Variants in MIB2 observed in about 807,000 individuals in gnomAD.
The protein encoded by MIB2 is MIB E3 ubiquitin protein ligase 2.
Under a neutral mutation model 96.6 loss-of-function variants are expected in MIB2, and 78 were observed. That is an observed-to-expected ratio of 0.81 (90% CI 0.67 to 0.97). The LOEUF is 0.97. Ranked by LOEUF, MIB2 falls within the 50% of genes least tolerant of loss-of-function variation. The pLI is 0.00. For missense variants in MIB2, 1,543 were observed against 1,424.0 expected (o/e 1.08, Z -1.35); for synonymous variants, 820 against 629.5 (o/e 1.30, Z -4.53).
chr1:1,627,699 T>C lies in MIB2; in HGVS notation c.1550T>C (p.Leu517Pro), dbSNP rs1644938778. The C allele has an allele frequency of 6.3e-7, 1 of 1,595,112 alleles. No homozygotes were observed. Among genetic ancestry groups the C allele is most frequent in the Non-Finnish European group, 8.5e-7 (1 of 1,178,556 alleles). Residue 517 changes from leucine to proline, a missense_variant, in exon 13 of 20, where the codon CTC (leucine) becomes CCC (proline). Physicochemically the swap from Leu to Pro is moderately conservative, Grantham distance 98 (BLOSUM62 -3). Transcript: ENST00000355826. ...AACCAGCCCGAGGCCACCAGGGTGC[T>C]CCTGAGTGCTGGGTGCCGGGCGGAC... ...LGNQPEATRVLLSAGCRADAI... is the reference protein window; with the variant it reads ...LGNQPEATRVPLSAGCRADAI...
At position 1,629,208 on chromosome 1, in the gene MIB2, G is replaced by A. The variant is rs771459024; in HGVS notation, c.2278G>A (p.Gly760Ser). 2.0e-6 allele frequency: 3 copies of A among 1,528,108 alleles called. No homozygotes were observed. Among genetic ancestry groups the A allele is most frequent in the Admixed American group, 2.0e-5 (1 of 50,986 alleles). The allele number at this position is 1,528,108 out of a possible 1,614,324, so 94.7% of individuals were successfully genotyped here. A position where few individuals can be genotyped will look rare whatever the true frequency, so the allele number is the denominator to read the frequency against. ...GGTCGCCTGCTTCCTGGCGCTGGAG[G>A]GCGCCGACGTGAGCTACACCAACCA... ...AAVACFLALE[G>S]ADVSYTNHRG... Residue 760 changes from glycine (G) to serine (S), a missense_variant, in exon 17 of 20, where the codon GGC (glycine) becomes AGC (serine). Physicochemically the swap from Gly to Ser is moderately conservative, Grantham distance 56 (BLOSUM62 0). Coordinates refer to ENST00000355826, the MANE Select transcript of MIB2 (RefSeq NM_001170687.4).
chr1:1,620,770 A>G lies in MIB2; in HGVS notation c.-22-2661A>G, dbSNP rs915784107. ...AGGTCAGTTTGTGGATCCTGGGAGC[A>G]GGAACCCTGCAGAGCCTGCCCCCCA... On this transcript the variant is annotated intron_variant, in intron 2 of 19. Transcript: ENST00000355826. Among the ~76,000 whole-genome samples, 33 of 152,254 alleles carry G rather than the reference A, an allele frequency of 2.2e-4. 1 individual carries two copies. Among genetic ancestry groups the G allele is most frequent in the African/African-American group, 7.7e-4 (32 of 41,480 alleles).
At position 1,625,664 on chromosome 1, in the gene MIB2, G is replaced by C. The variant is rs781551819; in HGVS notation, c.972+11G>C. ...GGGGCGCTCACCAAGGTGCCGGGGG[G>C]GCTGGGCTGCGCCTCATCTGCTTGC... On this transcript the variant is annotated intron_variant, in intron 8 of 19. Transcript: ENST00000355826. The surrounding 1 kb of genome is among the most constrained non-coding windows in gnomAD (Gnocchi z 5.0). The C allele has an allele frequency of 6.5e-6, 10 of 1,549,940 alleles. No individual in the cohort carries two copies. The highest frequency in any genetic ancestry group is 4.1e-5 in the African/African-American group (3 of 73,124).
chr1:1,623,500 G>A lies in MIB2; in HGVS notation c.48G>A (p.Val16=), dbSNP rs1644446778. ...GCGTGCAGGTGGGCATGCGGGTGGTGCGCGGCGTGGACTGGAAGTGGGGCC... is the reference window on the plus strand; with the variant it reads ...GCGTGCAGGTGGGCATGCGGGTGGTACGCGGCGTGGACTGGAAGTGGGGCC... ...QAGVQVGMRV[V]RGVDWKWGQQ... The change falls in exon 3 of 20, where the codon GTG becomes GTA. Residue 16 remains valine (V), a synonymous_variant. Transcript: ENST00000355826. 2 of 1,568,696 alleles carry A rather than the reference G, an allele frequency of 1.3e-6. No homozygotes were observed. Among genetic ancestry groups the A allele is most frequent in the South Asian group, 1.2e-5 (1 of 85,246 alleles).
chr1:1,615,312 G>A, upstream of MIB2: 2 of 1,377,270 alleles, frequency 1.5e-6, no homozygotes, highest in Non-Finnish European at 1.9e-6. Context: ...TGGCAACCGA[G>A]TGCGTCTCTA....
At position 1,625,417 on chromosome 1, in the gene MIB2, A is replaced by G. The variant is rs1413941882; in HGVS notation, c.853A>G (p.Arg285Gly). 1.6e-5 allele frequency: 25 copies of G among 1,571,418 alleles called. No individual in the cohort carries two copies. The highest frequency in any genetic ancestry group is 2.4e-5 in the East Asian group (1 of 42,088). ...GGAAGGCCACGGCGGCTGGAACCCC[A>G]GGATGGCGGAGGTGAGCCGCCCCGC... The part of the protein sequence containing the change: ...MQEGHGGWNP[R>G]MAEFIGQTGT... The change falls in exon 7 of 20, where the codon AGG becomes GGG. Residue 285 changes from arginine to glycine, a missense_variant. Arg to Gly is a moderately radical substitution (Grantham distance 125). Coordinates refer to ENST00000355826, the MANE Select transcript of MIB2 (RefSeq NM_001170687.4). The surrounding 1 kb of genome is among the most constrained non-coding windows in gnomAD (Gnocchi z 5.0).
At chr1:1,616,075 A>G (rs1376673563) in intron 1 of MIB2, 4 of 983,952 alleles carry the variant, frequency 4.1e-6, no homozygotes, top group African/African-American at 3.5e-5. Flanking sequence ...CGGGACGGAA[A>G]CGTCCGGGCA....
At chr1:1,621,503 C>CGGCAGCGTCACCCGACAGGTGAGGGA (rs530684896) in intron 2 of MIB2, among the ~76,000 whole-genome samples, 2 of 152,228 alleles carry the variant, frequency 1.3e-5, no homozygotes, top group African/African-American at 4.8e-5. Flanking sequence ...GTGCACATCT[C>CGGCAGCGTCACCCGACAGGTGAGGGA]GGCAGCGTCA....
chr1:1,624,614 A>T, intron 4 of MIB2, 181 bp from the exon 5 acceptor site: 1 of 670,412 alleles, frequency 1.5e-6, no homozygotes, highest in Non-Finnish European at 2.7e-6. Context: ...GCATTTCCTC[A>T]CAGCGTGTGG....
chr1:1,628,981 T>C (rs1645090194), intron 16 of MIB2, 152 bp from the exon 17 acceptor site: 2 of 880,516 alleles, frequency 2.3e-6, no homozygotes, highest in South Asian at 2.0e-5. Flanking sequence ...AGGGCGCCCC[T>C]CCTGCCTGTC....
At position 1,627,403 on chromosome 1, in the gene MIB2, G is replaced by T. The variant is rs749128751; in HGVS notation, c.1482G>T (p.Pro494=). The T allele has an allele frequency of 1.9e-6, 3 of 1,612,808 alleles. No individual in the cohort carries two copies. The African/African-American group carries it at 4.0e-5, about 22-fold the overall frequency. ...LLQARAGVDL[P]DDEGNTALHY... is the part of the protein sequence containing the mutation. ...AAGCCAGGGCGGGCGTGGACCTGCC[G>T]GACGACGAGGGCAACACGGCACTGC... The change falls in exon 12 of 20, where the codon CCG becomes CCT. Residue 494 remains proline (P), a synonymous_variant. Transcript: ENST00000355826.
chr1:1,630,037 C>T (rs1638517512), intron 19 of MIB2, among the ~76,000 whole-genome samples: 1 of 148,632 alleles, frequency 6.7e-6, no homozygotes, highest in Non-Finnish European at 1.5e-5. Flanking sequence ...CCCATCACAC[C>T]CCGGCCCAGC....
intron 2 of MIB2, among the ~76,000 whole-genome samples, chr1:1,622,074 A>G (rs1644312367): frequency 6.6e-6 from 1 of 152,206 alleles, no homozygotes; most frequent in Non-Finnish European, 1.5e-5. Context: ...TGTGAGGCCC[A>G]GGCTGGCCTG....
At chr1:1,623,194 C>G in intron 2 of MIB2, 1 of 620,004 alleles carries the variant, frequency 1.6e-6, no homozygotes, top group Non-Finnish European at 2.6e-6. Context: ...GGGCCCAGAC[C>G]ACCCTGCAGT....
intron 19 of MIB2, 69 bp from the exon 20 acceptor site, chr1:1,630,223 C>T (rs1220903692): frequency 2.9e-5 from 11 of 374,312 alleles, no homozygotes; most frequent in Non-Finnish European, 4.1e-5. Flanking sequence ...GCCTCGCCCC[C>T]CCGCAGCTCC....
Position 1,624,869 on chromosome 1 carries a change from G to C in MIB2, c.494G>C (p.Arg165Pro). 1 of 1,613,102 alleles carries C rather than the reference G, an allele frequency of 6.2e-7. No homozygotes were observed. Among genetic ancestry groups the C allele is most frequent in the Non-Finnish European group, 8.5e-7 (1 of 1,179,980 alleles). The part of the protein sequence containing the change: ...RGIFQGAKVV[R>P]GPDWEWGSQD... ...ATCTTCCAGGGAGCGAAGGTGGTGC[G>C]AGGCCCCGACTGGGAGTGGGGCTCA... Residue 165 changes from arginine to proline, a missense_variant, in exon 5 of 20, where the codon CGA (arginine) becomes CCA (proline). Physicochemically the swap from Arg to Pro is moderately radical, Grantham distance 103. Transcript: ENST00000355826.
At chr1:1,623,101 G>A (rs1569722352) in intron 2 of MIB2, 1 of 481,622 alleles carries the variant, frequency 2.1e-6, no homozygotes, top group Non-Finnish European at 3.7e-6. Flanking sequence ...TTAATTGGCT[G>A]TGGGAAGAGA....
rs561970872 is a variant in MIB2, at chr1:1,629,515, C to A, written c.2512C>A (p.Leu838Met). 5.5e-5 allele frequency: 84 copies of A among 1,538,370 alleles called. No individual in the cohort carries two copies. The South Asian group carries it at 9.3e-4, about 17-fold the overall frequency. Residue 838 changes from leucine to methionine, a missense_variant, in exon 18 of 20, where the codon CTG becomes ATG. Physicochemically the swap from Leu to Met is conservative, Grantham distance 15. Coordinates refer to ENST00000355826, the MANE Select transcript of MIB2 (RefSeq NM_001170687.4). ...CGCTGAGTGCCTGGTGTGCTCCGAG[C>A]TGGCGCTGCTGGTGCTGTTCTCGCC... is the stretch of plus-strand genomic sequence containing the variant. Reference protein sequence around the residue: ...EAAECLVCSELALLVLFSPCQ... With the variant: ...EAAECLVCSEMALLVLFSPCQ...
upstream of MIB2, chr1:1,615,339 G>T (rs1234346028): frequency 1.4e-6 from 2 of 1,394,394 alleles, no homozygotes; most frequent in Admixed American, 6.7e-5. Context: ...CCACTGCGCA[G>T]GCGCCCGGAG....
Sources: allele counts gnomAD v4.1 joint callset (sites outside exome capture counted in the v4.1 genomes callset), GRCh38; gene constraint gnomAD v4.1.1; non-coding constraint Gnocchi (gnomAD v3.1); transcripts MANE v1.5; gene names NCBI Gene and HGNC (gene_info 2026-07-23, HGNC 2026-07-21).